The following PET117 variants were observed in gnomAD, a reference collection of about 807,000 sequenced individuals.
The protein encoded by PET117 is protein PET117 homolog, mitochondrial.
In PET117, 10 loss-of-function variants were observed where a neutral mutation model predicts 9.2. The observed-to-expected ratio is 1.09, with a 90% CI of 0.67 to 1.85. PET117 has a LOEUF of 1.85. PET117 is among the 40% of genes most tolerant of loss of function. PET117 has a pLI of 0.00. For missense variants in PET117, 96 were observed against 98.2 expected, an observed-to-expected ratio of 0.98 and a Z score of 0.09; for synonymous variants, 43 against 37.1, an observed-to-expected ratio of 1.16 and a Z score of -0.57.
rs1242440319 is a variant in PET117 at position 18,137,951 on chromosome 20, TG to T, written c.-1del. ...GAGAGAGAGGCCGCGGCCGCCAGCG[TG>T]GGGATGTCTAGGAGCTCGAAGGTGG... On this transcript the variant is annotated 5_prime_UTR_variant, in exon 1 of 2. Transcript: ENST00000432901. 2.7e-6 allele frequency: 4 copies of T among 1,481,684 alleles called. No homozygotes were observed. The highest frequency in any genetic ancestry group is 2.9e-5 in the East Asian group (1 of 34,894). The allele number at this position is 1,481,684 out of a possible 1,614,324, so 91.8% of individuals were successfully genotyped here.
chr20:18,138,575 C>G (rs2037393678), intron 1 of PET117: 1 of 488,314 alleles, frequency 2.0e-6, no homozygotes, highest in African/African-American at 2.1e-5. Context: ...CCCCCTTCCC[C>G]GTACTCACTC....
chr20:18,142,188 T>A lies in PET117; in HGVS notation c.97-20T>A. On this transcript the variant is annotated intron_variant, in intron 1 of 1. Transcript: ENST00000432901. ...CCACCTGTTCGGGATGTTACTGAAA[T>A]CTGTTTCTTACGTTTTTAGAGGCTT... is the stretch of plus-strand genomic sequence containing the variant. 1 of 1,534,416 alleles carries A rather than the reference T, an allele frequency of 6.5e-7. No individual in the cohort carries two copies. Among genetic ancestry groups the A allele is most frequent in the Non-Finnish European group, 8.7e-7 (1 of 1,144,910 alleles).
chr20:18,142,152 A>G, intron 1 of PET117, 56 bp from the exon 2 acceptor site: 1 of 1,496,912 alleles, frequency 6.7e-7, no homozygotes, highest in South Asian at 1.3e-5. Context: ...TGAATGGCAC[A>G]AGGATGGGGA....
In PET117 at chr20:18,142,515, G is replaced by T. The variant is rs1291218348; in HGVS notation, c.*158G>T. On this transcript the variant is annotated 3_prime_UTR_variant, in exon 2 of 2. Coordinates refer to ENST00000432901, the MANE Select transcript of PET117 (RefSeq NM_001164811.2). ...GGTCATATAAGTTACTGCTTTCAGG[G>T]TCCCTTATATCTGAATAAAGGAGTG... is the stretch of plus-strand genomic sequence containing the variant. 3 of 1,463,900 alleles carry T rather than the reference G, an allele frequency of 2.0e-6. No homozygotes were observed. Among genetic ancestry groups the T allele is most frequent in the Non-Finnish European group, 2.7e-6 (3 of 1,110,228 alleles). The allele number at this position is 1,463,900 out of a possible 1,614,324, so 90.7% of individuals were successfully genotyped here.
rs1424339154 is a variant in PET117, at chr20:18,138,066, A to G, written c.96+15A>G. The G allele has an allele frequency of 2.7e-6, 4 of 1,464,656 alleles. No homozygotes were observed. The highest frequency in any genetic ancestry group is 1.5e-5 in the African/African-American group (1 of 67,786). 90.7% of individuals were successfully genotyped at this position (1,464,656 alleles called of 1,614,324 possible). A position where few individuals can be genotyped will look rare whatever the true frequency, so the allele number is the denominator to read the frequency against. On this transcript the variant is annotated intron_variant, in intron 1 of 1. Transcript: ENST00000432901. ...GGGACCAGCAGGTCGGTGTCACGTG[A>G]CCGTCTCTTCCGGGCCCGCGCGCGC...
In PET117 at chr20:18,142,387, A is replaced by G. The variant is rs949905544; in HGVS notation, c.*30A>G. The G allele has an allele frequency of 9.0e-5, 138 of 1,527,080 alleles. No homozygotes were observed. The highest frequency in any genetic ancestry group is 1.1e-4 in the Non-Finnish European group (129 of 1,140,040). 94.6% of individuals were successfully genotyped at this position (1,527,080 alleles called of 1,614,324 possible). A position where few individuals can be genotyped will look rare whatever the true frequency, so the allele number is the denominator to read the frequency against. ...AATGTGAAATATCTGTTGGACAGAC[A>G]ACACGAGTTTGTGTGTGTGTGTTGA... On this transcript the variant is annotated 3_prime_UTR_variant, in exon 2 of 2. Transcript: ENST00000432901.
intron 1 of PET117, chr20:18,138,269 A>T: frequency 8.2e-7 from 1 of 1,225,144 alleles, no homozygotes; most frequent in South Asian, 3.5e-5. Context: ...CCGCAGATTC[A>T]GGACGACCCG....
intron 1 of PET117, chr20:18,138,345 G>T: frequency 9.1e-7 from 1 of 1,100,800 alleles, no homozygotes; most frequent in Non-Finnish European, 1.1e-6. Flanking sequence ...GGCACGGCAC[G>T]CAAGCTTTTG....
chr20:18,141,438 A>T (rs1293136929), intron 1 of PET117, among the ~76,000 whole-genome samples: 1 of 152,150 alleles, frequency 6.6e-6, no homozygotes, highest in African/African-American at 2.4e-5. Flanking sequence ...TTAACTTTAC[A>T]TGCTAGAAGC....
intron 1 of PET117, among the ~76,000 whole-genome samples, chr20:18,139,668 GTGTGTGTT>G (rs1415082804): frequency 5.8e-5 from 5 of 86,060 alleles, no homozygotes; most frequent in South Asian, 5.0e-4. Flanking sequence ...GTGTGTGTGT[GTGTGTGTT>G]TATTTTTTTT....
Position 18,142,352 on chromosome 20 carries a change from T to G in PET117, c.241T>G (p.Ser81Ala). 1 of 1,536,026 alleles carries G rather than the reference T, an allele frequency of 6.5e-7. No homozygotes were observed. The highest frequency in any genetic ancestry group is 1.2e-5 in the South Asian group (1 of 83,940). ...KMLLAKGSQK[S>A] The stretch of plus-strand genomic sequence containing the variant: ...GTTATTGGCAAAAGGATCTCAAAAA[T>G]CATGACTTGAATGTGAAATATCTGT... Residue 81 changes from serine to alanine, a missense_variant, in exon 2 of 2, where the codon TCA becomes GCA. Transcript: ENST00000432901.
intron 1 of PET117, chr20:18,138,395 G>A: frequency 9.6e-7 from 1 of 1,040,128 alleles, no homozygotes; most frequent in Non-Finnish European, 1.2e-6. Flanking sequence ...CAGCCGGCCC[G>A]CAGGGTGCGG....
In PET117 at chr20:18,143,026, A is replaced by T. The variant is rs1206081697; in HGVS notation, c.*669A>T. On this transcript the variant is annotated 3_prime_UTR_variant, in exon 2 of 2. Coordinates refer to ENST00000432901, the MANE Select transcript of PET117 (RefSeq NM_001164811.2). ...TAAAAGAGACCTAAATAAAAGGATA[A>T]TTATATTTATTCTCTAGTTGATCAG... The T allele has an allele frequency of 6.9e-7, 1 of 1,459,560 alleles. No homozygotes were observed. The allele number at this position is 1,459,560 out of a possible 1,614,324, so 90.4% of individuals were successfully genotyped here.
At chr20:18,140,106 G>A (rs1264374564) in intron 1 of PET117, among the ~76,000 whole-genome samples, 1 of 152,090 alleles carries the variant, frequency 6.6e-6, no homozygotes, top group Non-Finnish European at 1.5e-5. Context: ...AAGCACACGT[G>A]ACATCTCTGA....
chr20:18,141,041 T>TTTA (rs1555801379), intron 1 of PET117, among the ~76,000 whole-genome samples: 635 of 43,572 alleles, frequency 0.015, 8 homozygotes, highest in African/African-American at 0.026. Flanking sequence ...TTTTTTTTTT[T>TTTA]TTTTTATTTT....
Position 18,139,664 on chromosome 20 carries a change from GTGTGTGTGTGTT to G in PET117, c.96+1615_96+1626del, listed in dbSNP as rs1306441217. On this transcript the variant is annotated intron_variant, in intron 1 of 1. Transcript: ENST00000432901. ...TGTGTGTGTGTGTGTGTGTGTGTGT[GTGTGTGTGTGTT>G]TATTTTTTTTCCTTTTATGTCCGGT... is the stretch of plus-strand genomic sequence containing the variant. Among the ~76,000 whole-genome samples the G allele has an allele frequency of 1.4e-3, 116 of 84,158 alleles. 1 individual carries two copies. The highest frequency in any genetic ancestry group is 3.9e-3 in the South Asian group (8 of 2,058). The allele number at this position is 84,158 out of a possible 152,430, so 55.2% of individuals were successfully genotyped here.
intron 1 of PET117, among the ~76,000 whole-genome samples, chr20:18,141,179 C>T (rs2037560739): frequency 6.6e-6 from 1 of 151,798 alleles, no homozygotes; most frequent in African/African-American, 2.4e-5. Flanking sequence ...GCCACCACGC[C>T]TGGCCTAAAA....
In PET117 at chr20:18,137,896, T is replaced by G. The variant is rs1028885461; in HGVS notation, c.-60T>G. 2.3e-5 allele frequency: 33 copies of G among 1,433,748 alleles called. 1 individual carries two copies. In the South Asian group the frequency reaches 4.1e-4, roughly 18 times the overall value. The allele number at this position is 1,433,748 out of a possible 1,614,324, so 88.8% of individuals were successfully genotyped here. ...GCAGTACAGGCGGCGGTGCGCACTC[T>G]GCGGCGGCCTCTGCGCCTCGGGCGG... On this transcript the variant is annotated 5_prime_UTR_variant, in exon 1 of 2. Transcript: ENST00000432901.
chr20:18,139,397 T>G (rs2037435311), intron 1 of PET117, among the ~76,000 whole-genome samples: 1 of 152,138 alleles, frequency 6.6e-6, no homozygotes, highest in East Asian at 1.9e-4. Context: ...TAGGGATGGA[T>G]TAGAGCTTGG....
Sources: gnomAD v4.1 joint callset for allele counts (sites outside exome capture counted in the v4.1 genomes callset) on GRCh38, gnomAD v4.1.1 for gene constraint, MANE v1.5 for transcripts, NCBI Gene and HGNC (gene_info 2026-07-23, HGNC 2026-07-21) for gene names.